Variants in MGST1 observed in about 807,000 individuals in gnomAD.
The protein encoded by MGST1 is glutathione S-transferase 12.
In MGST1, 5 loss-of-function variants were observed where a neutral mutation model predicts 8.9. That is an observed-to-expected ratio of 0.56 (90% confidence interval 0.29 to 1.19). The LOEUF (loss-of-function observed/expected upper bound fraction) is 1.19, where lower values mean the gene tolerates loss of function less well. Ranked by LOEUF, MGST1 falls within the 50% of genes most tolerant of loss-of-function variation. The probability of loss-of-function intolerance (pLI) is 0.08; values close to 1 mark genes in which losing one functional copy is unlikely to be tolerated. For synonymous variants in MGST1, 54 were observed against 67.8 expected (o/e 0.80, Z 1.00); for missense variants, 182 against 187.4 (o/e 0.97, Z 0.17).
chr12:16,580,087 T>G (rs1160326702), intron 4 of MGST1, among the ~76,000 whole-genome samples: 1 of 152,224 alleles, frequency 6.6e-6, no homozygotes, highest in Admixed American at 6.5e-5. Context: ...TTATACAATA[T>G]GATATCATTT....
chr12:16,487,089 C>T (rs1388521330), intron 4 of MGST1, among the ~76,000 whole-genome samples: 1 of 152,178 alleles, frequency 6.6e-6, no homozygotes, highest in East Asian at 1.9e-4. Context: ...ATCCTGTGTG[C>T]TGCTCTAGAA....
intron 4 of MGST1, among the ~76,000 whole-genome samples, chr12:16,553,889 G>A (rs1257423915): frequency 6.7e-6 from 1 of 149,644 alleles, no homozygotes; most frequent in Non-Finnish European, 1.5e-5. Context: ...AAAGCATTAT[G>A]AAAGGAGTGA....
At chr12:16,429,882 T>G (rs1591725666) in intron 1 of MGST1, among the ~76,000 whole-genome samples, 1 of 152,142 alleles carries the variant, frequency 6.6e-6, no homozygotes, top group East Asian at 1.9e-4. Context: ...CAATGATGTT[T>G]GCTGCATCAA....
At chr12:16,399,992 TC>T in intron 1 of MGST1, 1 of 1,456,246 alleles carries the variant, frequency 6.9e-7, no homozygotes. Flanking sequence ...AGGCAGGTAC[TC>T]CTGTAGGGAG....
intron 1 of MGST1, chr12:16,350,647 G>A (rs1391838336): frequency 3.3e-5 from 5 of 152,008 alleles, no homozygotes; most frequent in Admixed American, 6.6e-5. Flanking sequence ...ATCAGCTTTG[G>A]GGGAAAAAAA....
rs933291784 is a variant in MGST1, at chr12:16,546,159, A to G, written n.483-43369A>G. Among the ~76,000 whole-genome samples the G allele has an allele frequency of 5.9e-5, 9 of 152,156 alleles. No individual in the cohort carries two copies. Among genetic ancestry groups the G allele is most frequent in the Admixed American group, 3.9e-4 (6 of 15,248 alleles). On this transcript the variant is annotated intron_variant and non_coding_transcript_variant, in intron 4 of 4. Coordinates refer to the MGST1 transcript ENST00000538857. This position sits in a 1 kb window ranked among gnomAD's most constrained non-coding sequence, Gnocchi z 4.7. ...TCGCTATTATTACTAAAAGTTATTGAAGATGGGTCATATGAAAATGTTACC... is the reference window on the plus strand; with the variant it reads ...TCGCTATTATTACTAAAAGTTATTGGAGATGGGTCATATGAAAATGTTACC...
intron 4 of MGST1, among the ~76,000 whole-genome samples, chr12:16,583,303 C>A (rs1171684491): frequency 1.3e-5 from 2 of 151,902 alleles, no homozygotes; most frequent in East Asian, 1.9e-4. Context: ...CAACAACAGA[C>A]TGTTCTTTTT....
chr12:16,383,944 A>G (rs1940480731), intron 1 of MGST1, among the ~76,000 whole-genome samples: 2 of 152,160 alleles, frequency 1.3e-5, no homozygotes, highest in Non-Finnish European at 2.9e-5. Flanking sequence ...TTTCATTAAC[A>G]CTATGCCCTG....
intron 4 of MGST1, among the ~76,000 whole-genome samples, chr12:16,487,854 T>A (rs933902167): frequency 6.6e-6 from 1 of 152,150 alleles, no homozygotes; most frequent in Admixed American, 6.6e-5. Flanking sequence ...GGGGTCTCAC[T>A]ATGTTGCCCA....
At chr12:16,521,949 TAG>T (rs918725918) in intron 4 of MGST1, among the ~76,000 whole-genome samples, 3 of 4,800 alleles carry the variant, frequency 6.3e-4, no homozygotes, top group African/African-American at 7.8e-4. Context: ...CCCAGAAAGG[TAG>T]AAAAAAAAAA....
At chr12:16,408,964 C>CT (rs1180203609) in intron 1 of MGST1, among the ~76,000 whole-genome samples, 1 of 152,030 alleles carries the variant, frequency 6.6e-6, no homozygotes, top group Non-Finnish European at 1.5e-5. Context: ...TTAGAAGATA[C>CT]TTTTTTTCTG....
chr12:16,495,573 T>G (rs2137161210), intron 4 of MGST1, among the ~76,000 whole-genome samples: 1 of 152,210 alleles, frequency 6.6e-6, no homozygotes, highest in Non-Finnish European at 1.5e-5. Context: ...TAAGCATGAT[T>G]ACCAACAATG....
At chr12:16,462,572 A>T (rs902550791) in intron 4 of MGST1, among the ~76,000 whole-genome samples, 1 of 152,138 alleles carries the variant, frequency 6.6e-6, no homozygotes, top group African/African-American at 2.4e-5. Flanking sequence ...AACTAGGAAA[A>T]ACCTTTGTTG....
At chr12:16,556,358 G>A (rs773515372) in intron 4 of MGST1, among the ~76,000 whole-genome samples, 3 of 152,198 alleles carry the variant, frequency 2.0e-5, no homozygotes, top group South Asian at 2.1e-4. Context: ...GAAACTAGCC[G>A]AATTTTAATG....
intron 4 of MGST1, among the ~76,000 whole-genome samples, chr12:16,480,098 A>G (rs1941354564): frequency 1.3e-5 from 2 of 152,192 alleles, no homozygotes; most frequent in Admixed American, 1.3e-4. Flanking sequence ...CCTTAAAAGA[A>G]AAAATTGATA....
chr12:16,583,007 A>G lies in MGST1; in HGVS notation n.483-6521A>G, dbSNP rs113587415. ...GGTTGTAGTGAGCTGAGATCACTCC[A>G]CTGCACTCTAGCCTGGGTGACAGTG... On this transcript the variant is annotated intron_variant and non_coding_transcript_variant, in intron 4 of 4. Coordinates refer to the MGST1 transcript ENST00000538857. Among the ~76,000 whole-genome samples, 142 of 146,662 alleles carry G rather than the reference A, an allele frequency of 9.7e-4. No homozygotes were observed. In the Middle Eastern group the frequency reaches 0.011, roughly 12 times the overall value.
chr12:16,560,625 A>C lies in MGST1; in HGVS notation n.483-28903A>C. ...GAGAGATGATGTTAATATACTCTGT[A>C]AAGCTACAATACACAATGCTTTATG... On this transcript the variant is annotated intron_variant and non_coding_transcript_variant, in intron 4 of 4. Coordinates refer to the MGST1 transcript ENST00000538857. The surrounding 1 kb of genome is among the most constrained non-coding windows in gnomAD (Gnocchi z 5.0). The C allele has an allele frequency of 8.4e-7, 1 of 1,186,282 alleles. No individual in the cohort carries two copies. The highest frequency in any genetic ancestry group is 1.2e-6 in the Non-Finnish European group (1 of 824,636). 73.5% of individuals were successfully genotyped at this position (1,186,282 alleles called of 1,614,324 possible). A position where few individuals can be genotyped will look rare whatever the true frequency, so the allele number is the denominator to read the frequency against.
exon 1 of MGST1, chr12:16,383,456 TTTTC>T (rs993047844): frequency 2.0e-4 from 30 of 152,286 alleles, no homozygotes; most frequent in African/African-American, 7.2e-4. Flanking sequence ...TTTTCTTTTC[TTTTC>T]TTTTTTCTTT....
chr12:16,558,467 T>A (rs1942272181), intron 4 of MGST1, among the ~76,000 whole-genome samples: 1 of 152,112 alleles, frequency 6.6e-6, no homozygotes, highest in African/African-American at 2.4e-5. Flanking sequence ...CTAAGACACC[T>A]TTAAAATGTA....
Sources: gnomAD v4.1 joint callset for allele counts (sites outside exome capture counted in the v4.1 genomes callset) on GRCh38, gnomAD v4.1.1 for gene constraint, Gnocchi (gnomAD v3.1) non-coding constraint, MANE v1.5 for transcripts, NCBI Gene and HGNC (gene_info 2026-07-23, HGNC 2026-07-21) for gene names.